The following KANSL1 variants were observed in gnomAD, a reference collection of about 807,000 sequenced individuals.
KANSL1 encodes the protein KAT8 regulatory NSL complex subunit 1.
A neutral mutation model predicts 103.6 loss-of-function variants in KANSL1; 22 were observed. That is an observed-to-expected ratio of 0.21 (90% confidence interval 0.15 to 0.30). KANSL1 has a LOEUF of 0.30. Ranked by LOEUF, KANSL1 falls within the 10% of genes least tolerant of loss-of-function variation. KANSL1 has a pLI of 1.00. For missense variants in KANSL1, 1,337 were observed against 1,399.8 expected, an observed-to-expected ratio of 0.96 and a Z score of 0.72; for synonymous variants, 600 against 527.6, an observed-to-expected ratio of 1.14 and a Z score of -1.88.
chr17:46,119,176 G>GACAT (rs565479498), intron 2 of KANSL1, among the ~76,000 whole-genome samples: 87 of 152,274 alleles, frequency 5.7e-4, no homozygotes, highest in Admixed American at 1.2e-3. Context: ...ACAACTCTAT[G>GACAT]AAACGGTGCC....
intron 3 of KANSL1, 50 bp from the exon 4 acceptor site, chr17:46,082,592 A>C (rs2079026064): frequency 9.2e-7 from 1 of 1,084,322 alleles, no homozygotes; most frequent in African/African-American, 1.6e-5. Flanking sequence ...TATAAACTTC[A>C]AATTTAATTT....
intron 2 of KANSL1, among the ~76,000 whole-genome samples, chr17:46,137,710 AC>A (rs1291908204): frequency 6.6e-6 from 1 of 150,902 alleles, no homozygotes; most frequent in Non-Finnish European, 1.5e-5. Context: ...AAAAAAAAAT[AC>A]AAAAAATTGG....
At chr17:46,073,736 G>A (rs1002740372) in intron 4 of KANSL1, among the ~76,000 whole-genome samples, 7 of 152,074 alleles carry the variant, frequency 4.6e-5, no homozygotes, top group Admixed American at 4.6e-4. Flanking sequence ...TGAAAGATTT[G>A]GTGGAAGGAA....
intron 1 of KANSL1, among the ~76,000 whole-genome samples, chr17:46,188,246 T>C (rs1250233633): frequency 6.6e-6 from 1 of 152,228 alleles, no homozygotes; most frequent in Non-Finnish European, 1.5e-5. Context: ...TATTTGTCTT[T>C]TCTAATTCAT....
intron 2 of KANSL1, among the ~76,000 whole-genome samples, chr17:46,101,026 C>T (rs554342482): frequency 6.6e-6 from 1 of 152,198 alleles, no homozygotes; most frequent in Non-Finnish European, 1.5e-5. Context: ...GGATTATGTG[C>T]TACTTCCAAG....
chr17:46,077,594 G>C (rs1403971510), intron 4 of KANSL1, among the ~76,000 whole-genome samples: 1 of 152,126 alleles, frequency 6.6e-6, no homozygotes, highest in Non-Finnish European at 1.5e-5. Flanking sequence ...GTCTCACTCT[G>C]TTGCCCAGGC....
At chr17:46,207,569 A>G (rs1220290473) in intron 1 of KANSL1, among the ~76,000 whole-genome samples, 1 of 152,204 alleles carries the variant, frequency 6.6e-6, no homozygotes, top group Non-Finnish European at 1.5e-5. Context: ...CCAGAGTGAC[A>G]GAGCAAGACC....
Position 46,094,662 on chromosome 17 carries a change from T to C in KANSL1, c.1329A>G (p.Ala443=). ...RSEWKWAADR[A]AIVSRWNWLQ... is the part of the protein sequence containing the mutation. The stretch of plus-strand genomic sequence containing the variant: ...GCCAGTTCCAGCGGCTGACAATAGC[T>C]GCCCGGTCTGCAGCCCATTTCCATT... The change falls in exon 3 of 15, where the codon GCA becomes GCG. Residue 443 remains alanine, a synonymous_variant. Transcript: ENST00000432791. 1 of 1,614,214 alleles carries C rather than the reference T, an allele frequency of 6.2e-7. No homozygotes were observed. Among genetic ancestry groups the C allele is most frequent in the Non-Finnish European group, 8.5e-7 (1 of 1,180,056 alleles).
intron 1 of KANSL1, among the ~76,000 whole-genome samples, chr17:46,207,650 A>G (rs2048015953): frequency 6.6e-6 from 1 of 152,244 alleles, no homozygotes; most frequent in African/African-American, 2.4e-5. Context: ...CATTTCTCCA[A>G]AGAAGATATA....
intron 1 of KANSL1, among the ~76,000 whole-genome samples, chr17:46,219,654 T>TCG (rs1415430843): frequency 2.0e-5 from 3 of 152,252 alleles, no homozygotes; most frequent in African/African-American, 7.2e-5. Flanking sequence ...GCGTGAGCCA[T>TCG]CGCGTCTGGC....
At chr17:46,036,967 C>T (rs529877058) in intron 10 of KANSL1, among the ~76,000 whole-genome samples, 6 of 152,112 alleles carry the variant, frequency 3.9e-5, no homozygotes, top group African/African-American at 1.2e-4. Context: ...CCGCCTCAGC[C>T]GCCTCCCCAA....
chr17:46,030,284 A>AG lies in KANSL1; in HGVS notation c.*1191dup, dbSNP rs1436513631. On this transcript the variant is annotated 3_prime_UTR_variant, in exon 15 of 15. Transcript: ENST00000432791. Reference sequence around the variant, plus strand: ...ATGACAAACCCTTTAACTTGCAAACAGAAAAAAAAATCACTAATGTTGAAA... The same window carrying AG: ...ATGACAAACCCTTTAACTTGCAAACAGGAAAAAAAAATCACTAATGTTGAAA... 1 of 152,288 alleles carries AG rather than the reference A, an allele frequency of 6.6e-6. No individual in the cohort carries two copies. Among genetic ancestry groups the AG allele is most frequent in the Non-Finnish European group, 1.5e-5 (1 of 67,980 alleles). The allele number at this position is 152,288 out of a possible 1,614,324, so 9.4% of individuals were successfully genotyped here.
chr17:46,185,582 C>T (rs1244989182), intron 1 of KANSL1, among the ~76,000 whole-genome samples: 3 of 151,764 alleles, frequency 2.0e-5, no homozygotes, highest in Non-Finnish European at 4.4e-5. Context: ...AATGCTTTCA[C>T]TGAAGAACTG....
At position 46,038,670 on chromosome 17, in the gene KANSL1, T is replaced by C. The variant is rs1186487495; in HGVS notation, c.2409A>G (p.Thr803=). 6.2e-7 allele frequency: 1 copy of C among 1,614,172 alleles called. No homozygotes were observed. The highest frequency in any genetic ancestry group is 8.5e-7 in the Non-Finnish European group (1 of 1,180,028). Residue 803 remains threonine, a synonymous_variant, in exon 10 of 15, where the codon ACA becomes ACG. Transcript: ENST00000432791. Reference sequence around the variant, plus strand: ...CCAAGTAGCTCGAACTGCTCATGTCTGTGTGATGCTTCAACACTGCAGAAG... The same window carrying C: ...CCAAGTAGCTCGAACTGCTCATGTCCGTGTGATGCTTCAACACTGCAGAAG... ...SERSEVLKHH[T]DMSSSSYLAA...
At chr17:46,164,164 T>A (rs10459926) in intron 2 of KANSL1, among the ~76,000 whole-genome samples, 21,613 of 151,776 alleles carry the variant, frequency 0.14, 1,759 homozygotes, top group East Asian at 0.46. Context: ...ACTTATTATA[T>A]GACTTTAACA....
chr17:46,171,875 AC>A lies in KANSL1; in HGVS notation c.268del (p.Val90PhefsTer7), dbSNP rs1327399413. 1 of 1,614,278 alleles carries A rather than the reference AC, an allele frequency of 6.2e-7. No individual in the cohort carries two copies. The highest frequency in any genetic ancestry group is 1.1e-5 in the South Asian group (1 of 91,092). Reference sequence around the variant, plus strand: ...CAACTTCAAAGACTCCTTTGAGGGAACAGATGTTACATCAGAGCAGAGATAA... The same window carrying A: ...CAACTTCAAAGACTCCTTTGAGGGAAAGATGTTACATCAGAGCAGAGATAA... ...ASYLCSDVTS[V>X]PSKESLKLQG... On this transcript the variant is annotated frameshift_variant, in exon 2 of 15. Transcript: ENST00000432791. LOFTEE classifies it high-confidence loss of function.
chr17:46,031,208 T>C lies in KANSL1; in HGVS notation c.*268A>G, dbSNP rs929907898. On this transcript the variant is annotated 3_prime_UTR_variant, in exon 15 of 15. Coordinates refer to ENST00000432791, the MANE Select transcript of KANSL1 (RefSeq NM_015443.4). Reference sequence around the variant, plus strand: ...TCCAGTGATTCAACAGTGCAGAGGATGTGCCAGGACCAGGCCAGCAGGGTC... The same window carrying C: ...TCCAGTGATTCAACAGTGCAGAGGACGTGCCAGGACCAGGCCAGCAGGGTC... 7.1e-6 allele frequency: 4 copies of C among 559,700 alleles called. No individual in the cohort carries two copies. The highest frequency in any genetic ancestry group is 5.6e-5 in the African/African-American group (3 of 53,256). 34.7% of individuals were successfully genotyped at this position (559,700 alleles called of 1,614,324 possible).
intron 2 of KANSL1, among the ~76,000 whole-genome samples, chr17:46,139,577 A>G (rs2044317918): frequency 1.3e-5 from 2 of 152,196 alleles, no homozygotes; most frequent in African/African-American, 4.8e-5. Flanking sequence ...CTTTGGAGTG[A>G]TATGAACCTG....
At position 46,066,565 on chromosome 17, in the gene KANSL1, G is replaced by T. The variant is rs1461203997; in HGVS notation, c.1820C>A (p.Pro607His). 5.0e-6 allele frequency: 8 copies of T among 1,613,420 alleles called. No individual in the cohort carries two copies. The highest frequency in any genetic ancestry group is 6.8e-6 in the Non-Finnish European group (8 of 1,179,622). The stretch of plus-strand genomic sequence containing the variant: ...CTTGGAAAGAGGAACGATGCTGTTG[G>T]GTCGAACAAGCCTCCGCTTCTTACA... ...LSCKKRRLVR[P>H]NSIVPLSKKV... The change falls in exon 6 of 15, where the codon CCC (proline) becomes CAC (histidine). Residue 607 changes from proline (P) to histidine (H), a missense_variant. Pro to His is a moderately conservative substitution (Grantham distance 77, BLOSUM62 -2). Transcript: ENST00000432791.
Sources: allele counts gnomAD v4.1 joint callset (sites outside exome capture counted in the v4.1 genomes callset), GRCh38; gene constraint gnomAD v4.1.1; transcripts MANE v1.5; gene names NCBI Gene and HGNC (gene_info 2026-07-23, HGNC 2026-07-21).